SLC24A4: variants seen among roughly 807,000 people sequenced by gnomAD.
The protein encoded by SLC24A4 is solute carrier family 24 member 4, also known as sodium/potassium/calcium exchanger 4.
SLC24A4 carries 53 observed loss-of-function variants against 79.0 expected under a neutral mutation model. That is an observed-to-expected ratio of 0.67 (90% CI 0.54 to 0.84). The LOEUF is 0.84. Ranked by LOEUF, SLC24A4 falls within the 40% of genes least tolerant of loss-of-function variation. The probability of loss-of-function intolerance (pLI) is 0.00; values close to 1 mark genes in which losing one functional copy is unlikely to be tolerated. For synonymous variants in SLC24A4, 323 were observed against 323.8 expected, an observed-to-expected ratio of 1.00 and a Z score of 0.03; for missense variants, 731 against 822.0, an observed-to-expected ratio of 0.89 and a Z score of 1.35.
chr14:92,409,834 C>A (rs1690831324), intron 2 of SLC24A4, among the ~76,000 whole-genome samples: 1 of 152,148 alleles, frequency 6.6e-6, no homozygotes, highest in African/African-American at 2.4e-5. Context: ...GGAACACATA[C>A]ACCATGGAAT....
chr14:92,373,375 C>A (rs1888316383), intron 2 of SLC24A4, among the ~76,000 whole-genome samples: 1 of 152,022 alleles, frequency 6.6e-6, no homozygotes, highest in African/African-American at 2.4e-5. Context: ...AAATGGAGGC[C>A]CCGGAAGGAG....
chr14:92,408,450 C>T, intron 2 of SLC24A4: 3 of 984,716 alleles, frequency 3.0e-6, no homozygotes, highest in Non-Finnish European at 3.6e-6. Flanking sequence ...TTTATTTTAC[C>T]TTGGAAGCCT....
At chr14:92,418,998 G>A (rs992144880) in intron 2 of SLC24A4, among the ~76,000 whole-genome samples, 6 of 152,166 alleles carry the variant, frequency 3.9e-5, no homozygotes, top group East Asian at 1.9e-4. Flanking sequence ...CACCGCACCC[G>A]GCCAATTTTT....
chr14:92,363,370 A>G (rs1440334509), intron 2 of SLC24A4, among the ~76,000 whole-genome samples: 1 of 152,232 alleles, frequency 6.6e-6, no homozygotes, highest in Non-Finnish European at 1.5e-5. Flanking sequence ...CCTGTGTGCC[A>G]TGGTCCACTG....
intron 2 of SLC24A4, among the ~76,000 whole-genome samples, chr14:92,380,718 TCA>T (rs904143941): frequency 3.2e-4 from 49 of 152,230 alleles, no homozygotes; most frequent in African/African-American, 1.2e-3. Flanking sequence ...ACCAGGACTC[TCA>T]GTGTGCAAGC....
chr14:92,384,562 A>C (rs1345908845), intron 2 of SLC24A4, among the ~76,000 whole-genome samples: 1 of 152,142 alleles, frequency 6.6e-6, no homozygotes, highest in Non-Finnish European at 1.5e-5. Context: ...CATTCGGTGT[A>C]GGGACAGGTA....
chr14:92,348,603 G>A (rs11621245), intron 2 of SLC24A4, among the ~76,000 whole-genome samples: 18,382 of 152,044 alleles, frequency 0.12, 1,178 homozygotes, highest in Admixed American at 0.14. Context: ...TCAGAAATGG[G>A]GACACACAGT....
intron 13 of SLC24A4, chr14:92,484,964 C>A: frequency 1.2e-6 from 1 of 815,064 alleles, no homozygotes; most frequent in Non-Finnish European, 1.5e-6. Context: ...ACATTATACC[C>A]AATTTCAACC....
Position 92,323,723 on chromosome 14 carries a change from T to C in SLC24A4, c.-108T>C. On this transcript the variant is annotated 5_prime_UTR_variant, in exon 1 of 17. An upstream open reading frame in the 5' UTR loses its in-frame stop. Coordinates refer to ENST00000532405, the MANE Select transcript of SLC24A4 (RefSeq NM_153646.4). The surrounding 1 kb of genome is among the most constrained non-coding windows in gnomAD (Gnocchi z 4.9). ...GCTTTGGCCCGGAGCTCCTCGCCTCTGAGTCGCGCACCGCCTGCTCCAGCC... is the reference window on the plus strand; with the variant it reads ...GCTTTGGCCCGGAGCTCCTCGCCTCCGAGTCGCGCACCGCCTGCTCCAGCC... 3 of 1,398,666 alleles carry C rather than the reference T, an allele frequency of 2.1e-6. No individual in the cohort carries two copies. Among genetic ancestry groups the C allele is most frequent in the Non-Finnish European group, 2.8e-6 (3 of 1,055,930 alleles). 86.6% of individuals were successfully genotyped at this position (1,398,666 alleles called of 1,614,324 possible).
intron 2 of SLC24A4, among the ~76,000 whole-genome samples, chr14:92,401,597 G>A (rs1304120218): frequency 6.6e-6 from 1 of 152,164 alleles, no homozygotes; most frequent in Non-Finnish European, 1.5e-5. Flanking sequence ...CTATTCCCCT[G>A]AGCAGAGAGA....
At chr14:92,392,268 C>T (rs544296004) in intron 2 of SLC24A4, among the ~76,000 whole-genome samples, 44 of 151,474 alleles carry the variant, frequency 2.9e-4, no homozygotes, top group Admixed American at 1.6e-3. Flanking sequence ...GTTATCTTCT[C>T]ATTTATCATT....
chr14:92,455,204 G>A (rs570644405), intron 11 of SLC24A4, among the ~76,000 whole-genome samples: 5 of 152,322 alleles, frequency 3.3e-5, no homozygotes, highest in East Asian at 3.9e-4. Flanking sequence ...TCTCACATCA[G>A]CCGCTAGCCC....
chr14:92,408,477 T>C (rs959141845), intron 2 of SLC24A4: 1 of 958,972 alleles, frequency 1.0e-6, no homozygotes, highest in Non-Finnish European at 1.2e-6. Context: ...GTGGGCTGAT[T>C]GTTTTAATGA....
intron 2 of SLC24A4, among the ~76,000 whole-genome samples, chr14:92,420,573 T>C (rs757170872): frequency 1.5e-4 from 23 of 152,244 alleles, no homozygotes; most frequent in Non-Finnish European, 2.8e-4. Context: ...GTACCTACTA[T>C]GTGCCAGGCT....
intron 2 of SLC24A4, among the ~76,000 whole-genome samples, chr14:92,381,544 C>T (rs1242213055): frequency 1.3e-5 from 2 of 152,064 alleles, no homozygotes; most frequent in East Asian, 1.9e-4. Flanking sequence ...ACATGTATAC[C>T]TACGTAACAA....
chr14:92,431,837 T>C (rs1265161070), intron 2 of SLC24A4, among the ~76,000 whole-genome samples: 1 of 152,204 alleles, frequency 6.6e-6, no homozygotes, highest in African/African-American at 2.4e-5. Context: ...TCATGCGTAG[T>C]CGAGCTAGGA....
At chr14:92,349,523 T>TGAGATGACTAC (rs1886749349) in intron 2 of SLC24A4, among the ~76,000 whole-genome samples, 1 of 152,232 alleles carries the variant, frequency 6.6e-6, no homozygotes, top group African/African-American at 2.4e-5. Flanking sequence ...GAGATGATTG[T>TGAGATGACTAC]AGATTGGCAT....
chr14:92,408,246 A>G, intron 2 of SLC24A4: 2 of 220,994 alleles, frequency 9.1e-6, no homozygotes, highest in Non-Finnish European at 1.5e-5. Context: ...AAGGGAAAAA[A>G]GGGGATGACT....
chr14:92,417,833 G>A (rs1452160907), intron 2 of SLC24A4, among the ~76,000 whole-genome samples: 1 of 152,238 alleles, frequency 6.6e-6, no homozygotes, highest in African/African-American at 2.4e-5. Context: ...CAGGCTTTAT[G>A]GGATAGCTTA....
Sources: allele counts gnomAD v4.1 joint callset (sites outside exome capture counted in the v4.1 genomes callset), GRCh38; gene constraint gnomAD v4.1.1; non-coding constraint Gnocchi (gnomAD v3.1); transcripts MANE v1.5; gene names NCBI Gene and HGNC (gene_info 2026-07-23, HGNC 2026-07-21).